Variants in MACC1 observed in about 807,000 individuals in gnomAD.
The protein encoded by MACC1 is MET transcriptional regulator MACC1, also known as metastasis-associated in colon cancer protein 1.
A neutral mutation model predicts 70.7 loss-of-function variants in MACC1; 79 were observed. That is an observed-to-expected ratio of 1.12 (90% CI 0.93 to 1.35). MACC1 has a LOEUF of 1.35. Ranked by LOEUF, MACC1 falls within the 40% of genes most tolerant of loss-of-function variation. MACC1 has a pLI of 0.00. For missense variants in MACC1, 1,106 were observed against 978.1 expected (o/e 1.13, Z -1.74); for synonymous variants, 361 against 347.2 (o/e 1.04, Z -0.44).
intron 1 of MACC1, among the ~76,000 whole-genome samples, chr7:20,215,314 G>A (rs572436607): frequency 6.6e-6 from 1 of 152,100 alleles, no homozygotes; most frequent in South Asian, 2.1e-4. Context: ...CTGTGCATGA[G>A]TTTCTTCTAG....
intron 2 of MACC1, among the ~76,000 whole-genome samples, chr7:20,169,512 G>C (rs921870369): frequency 1.3e-5 from 2 of 152,178 alleles, no homozygotes; most frequent in African/African-American, 4.8e-5. Context: ...GTCTTTTCTA[G>C]CAAACTGAGC....
At chr7:20,211,350 T>C (rs969730098) in intron 1 of MACC1, among the ~76,000 whole-genome samples, 5 of 152,152 alleles carry the variant, frequency 3.3e-5, no homozygotes, top group African/African-American at 1.2e-4. Context: ...AATATTATCA[T>C]TATCATTATT....
At position 20,173,131 on chromosome 7, in the gene MACC1, A is replaced by G. The variant is rs145337668; in HGVS notation, c.-217-2353T>C. On this transcript the variant is annotated intron_variant, in intron 1 of 6. Coordinates refer to ENST00000400331, the MANE Select transcript of MACC1 (RefSeq NM_182762.4). ...AAATCATCCCAAAAATCCGAGATGG[A>G]TCCCAGGCTTCATTTATTTTTATAA... Among the ~76,000 whole-genome samples, 721 of 152,338 alleles carry G rather than the reference A, an allele frequency of 4.7e-3. 9 individuals carry two copies. Among genetic ancestry groups the G allele is most frequent in the African/African-American group, 0.016 (682 of 41,578 alleles).
At chr7:20,184,324 A>G (rs369441802) in intron 1 of MACC1, among the ~76,000 whole-genome samples, 91 of 152,318 alleles carry the variant, frequency 6.0e-4, no homozygotes, top group African/African-American at 1.9e-3. Context: ...AATTTGTTGG[A>G]TTTAAACATG....
In MACC1 at chr7:20,192,137, T is replaced by C. The variant is rs976598455; in HGVS notation, c.-217-21359A>G. 5.3e-5 allele frequency among the ~76,000 whole-genome samples: 8 copies of C among 152,328 alleles called. 2 individuals carry two copies. The highest frequency in any genetic ancestry group is 6.5e-5 in the Admixed American group (1 of 15,300). The stretch of plus-strand genomic sequence containing the variant: ...ACGTTTAGTAGATTTATGCAAGTTA[T>C]AAATTAATATATTTTCTTATTTTCA... On this transcript the variant is annotated intron_variant, in intron 1 of 6. Coordinates refer to ENST00000400331, the MANE Select transcript of MACC1 (RefSeq NM_182762.4).
intron 6 of MACC1, among the ~76,000 whole-genome samples, chr7:20,152,020 G>T (rs1472934681): frequency 2.6e-5 from 4 of 152,152 alleles, no homozygotes; most frequent in African/African-American, 9.7e-5. Flanking sequence ...TCTGCCCCAT[G>T]AGTTTTTATT....
chr7:20,179,208 A>G (rs1422610712), intron 1 of MACC1, among the ~76,000 whole-genome samples: 1 of 150,790 alleles, frequency 6.6e-6, no homozygotes, highest in Admixed American at 6.6e-5. Flanking sequence ...TTTCTTTTCC[A>G]TTTGTCCTTT....
chr7:20,157,058 T>A (rs1185948685), intron 5 of MACC1, among the ~76,000 whole-genome samples: 1 of 152,162 alleles, frequency 6.6e-6, no homozygotes, highest in Non-Finnish European at 1.5e-5. Flanking sequence ...AATATTCAAA[T>A]CCCATCTATA....
chr7:20,172,895 G>A (rs1782330904), intron 1 of MACC1, among the ~76,000 whole-genome samples: 1 of 152,206 alleles, frequency 6.6e-6, no homozygotes, highest in Admixed American at 6.5e-5. Context: ...ATCAGCTGGG[G>A]AGACGGGAAA....
intron 6 of MACC1, among the ~76,000 whole-genome samples, chr7:20,143,167 T>C (rs1781832037): frequency 6.6e-6 from 1 of 152,206 alleles, no homozygotes; most frequent in Non-Finnish European, 1.5e-5. Context: ...CTATGGCCTA[T>C]CTTGCGGCAG....
At chr7:20,212,924 T>G (rs1859809) in intron 1 of MACC1, among the ~76,000 whole-genome samples, 100,550 of 151,850 alleles carry the variant, frequency 0.66, 34,498 homozygotes, top group East Asian at 0.92. Flanking sequence ...GGAGACCCCA[T>G]TTGGTAGGTT....
At chr7:20,182,862 A>G (rs548584131) in intron 1 of MACC1, among the ~76,000 whole-genome samples, 3 of 152,362 alleles carry the variant, frequency 2.0e-5, no homozygotes, top group African/African-American at 7.2e-5. Context: ...ACAATACACA[A>G]TATTTACAAA....
At chr7:20,201,874 C>T (rs1231628408) in intron 1 of MACC1, among the ~76,000 whole-genome samples, 1 of 152,168 alleles carries the variant, frequency 6.6e-6, no homozygotes, top group African/African-American at 2.4e-5. Context: ...AACCTCTGTA[C>T]CAGTTGGAAC....
chr7:20,163,643 G>T (rs17142510), intron 3 of MACC1, among the ~76,000 whole-genome samples: 1 of 152,182 alleles, frequency 6.6e-6, no homozygotes, highest in Non-Finnish European at 1.5e-5. Context: ...AGTATCTCAT[G>T]TCTGGGACTC....
chr7:20,156,240 C>T (rs2128102234), intron 5 of MACC1, among the ~76,000 whole-genome samples: 1 of 152,220 alleles, frequency 6.6e-6, no homozygotes, highest in Non-Finnish European at 1.5e-5. Flanking sequence ...AACTCTATAC[C>T]CCATGCTCCA....
intron 6 of MACC1, among the ~76,000 whole-genome samples, chr7:20,148,354 C>A (rs527262612): frequency 4.9e-4 from 75 of 152,120 alleles, no homozygotes; most frequent in African/African-American, 1.8e-3. Context: ...AAATCTAGGG[C>A]CATTTTACTA....
chr7:20,159,174 A>G lies in MACC1; in HGVS notation c.1187T>C (p.Met396Thr), dbSNP rs755324772. 6.2e-7 allele frequency: 1 copy of G among 1,614,108 alleles called. No individual in the cohort carries two copies. The highest frequency in any genetic ancestry group is 8.5e-7 in the Non-Finnish European group (1 of 1,180,012). Reference sequence around the variant, plus strand: ...ATCAGAAATTGTAAGCTGTCCTGGCATATAATTGTGTCCACAAACTGTTAA... The same window carrying G: ...ATCAGAAATTGTAAGCTGTCCTGGCGTATAATTGTGTCCACAAACTGTTAA... ...VVLTVCGHNY[M>T]PGQLTISDIK... The change falls in exon 5 of 7, where the codon ATG becomes ACG. Residue 396 changes from methionine (M) to threonine (T), a missense_variant. Transcript: ENST00000400331.
intron 1 of MACC1, among the ~76,000 whole-genome samples, chr7:20,185,351 C>T (rs150866816): frequency 6.6e-6 from 1 of 152,098 alleles, no homozygotes; most frequent in Admixed American, 6.5e-5. Context: ...TTACAATTAC[C>T]TAAACCAAGG....
At chr7:20,178,693 G>C (rs936377000) in intron 1 of MACC1, among the ~76,000 whole-genome samples, 1 of 152,106 alleles carries the variant, frequency 6.6e-6, no homozygotes, top group African/African-American at 2.4e-5. Context: ...TCTGCCTCCC[G>C]GGTTCAAGCG....
Sources: allele counts gnomAD v4.1 joint callset (sites outside exome capture counted in the v4.1 genomes callset), GRCh38; gene constraint gnomAD v4.1.1; transcripts MANE v1.5; gene names NCBI Gene and HGNC (gene_info 2026-07-23, HGNC 2026-07-21).